The following PRR16 variants were observed in gnomAD, a reference collection of about 807,000 sequenced individuals.
PRR16 encodes proline rich 16, also known as protein Largen.
In PRR16, 6 loss-of-function variants were observed where a neutral mutation model predicts 18.2. That is an observed-to-expected ratio of 0.33 (90% CI 0.18 to 0.65). PRR16 has a LOEUF of 0.65. Ranked by LOEUF, PRR16 falls within the 30% of genes least tolerant of loss-of-function variation. The pLI is 0.74. For synonymous variants in PRR16, 151 were observed against 147.8 expected, an observed-to-expected ratio of 1.02 and a Z score of -0.16; for missense variants, 412 against 376.6, an observed-to-expected ratio of 1.09 and a Z score of -0.78.
intron 1 of PRR16, among the ~76,000 whole-genome samples, chr5:120,581,311 A>G (rs1753264938): frequency 6.6e-6 from 1 of 152,098 alleles, no homozygotes; most frequent in Admixed American, 6.6e-5. Context: ...ATTTGCATAG[A>G]TGTGTTTAGT....
At chr5:120,490,226 G>T (rs1749977115) in intron 1 of PRR16, among the ~76,000 whole-genome samples, 2 of 152,106 alleles carry the variant, frequency 1.3e-5, no homozygotes, top group Non-Finnish European at 2.9e-5. Flanking sequence ...AAGTTCTCCT[G>T]GATAATATCC....
At chr5:120,630,003 G>A (rs924587874) in intron 1 of PRR16, among the ~76,000 whole-genome samples, 23 of 151,794 alleles carry the variant, frequency 1.5e-4, no homozygotes, top group African/African-American at 5.3e-4. Flanking sequence ...ATGATGATCC[G>A]AGATGTGTAA....
the PRR16 span, among the ~76,000 whole-genome samples, chr5:120,777,227 A>T: frequency 6.6e-6 from 1 of 152,114 alleles, no homozygotes; most frequent in East Asian, 1.9e-4. Flanking sequence ...AATGAGTTTT[A>T]TTGTTCAATA....
chr5:120,594,355 A>G (rs1251973532), intron 1 of PRR16, among the ~76,000 whole-genome samples: 2 of 152,136 alleles, frequency 1.3e-5, no homozygotes, highest in African/African-American at 4.8e-5. Flanking sequence ...TTCCATTCAC[A>G]GTAGCCACAA....
At chr5:120,778,629 G>T in the PRR16 span, among the ~76,000 whole-genome samples, 1 of 152,092 alleles carries the variant, frequency 6.6e-6, no homozygotes, top group Non-Finnish European at 1.5e-5. Flanking sequence ...AGAATTTAAC[G>T]TGATTGTATT....
At chr5:120,652,910 C>G (rs935687770) in intron 1 of PRR16, among the ~76,000 whole-genome samples, 2 of 151,912 alleles carry the variant, frequency 1.3e-5, no homozygotes, top group Non-Finnish European at 2.9e-5. Flanking sequence ...TGTATGTTAA[C>G]TCTCTGGACT....
At chr5:120,774,978 C>A in the PRR16 span, among the ~76,000 whole-genome samples, 5 of 152,260 alleles carry the variant, frequency 3.3e-5, no homozygotes, top group South Asian at 1.0e-3. Context: ...CATTATCTTC[C>A]TTCCATGCAG....
chr5:120,629,985 T>G (rs1297721160), intron 1 of PRR16, among the ~76,000 whole-genome samples: 1 of 152,070 alleles, frequency 6.6e-6, no homozygotes. Flanking sequence ...CTTTTGTCAT[T>G]GGCCTTTATG....
At chr5:120,512,253 C>G (rs1172843760) in intron 1 of PRR16, among the ~76,000 whole-genome samples, 1 of 137,646 alleles carries the variant, frequency 7.3e-6, no homozygotes, top group South Asian at 2.2e-4. Context: ...CTTAATTTTT[C>G]TGTGAGACAT....
chr5:120,633,984 A>G (rs556146364), intron 1 of PRR16, among the ~76,000 whole-genome samples: 3 of 152,184 alleles, frequency 2.0e-5, no homozygotes, highest in Admixed American at 2.0e-4. Flanking sequence ...ATTGCAGAAT[A>G]TACATACTAT....
intron 1 of PRR16, among the ~76,000 whole-genome samples, chr5:120,640,261 T>C (rs1259452219): frequency 6.6e-6 from 1 of 151,422 alleles, no homozygotes; most frequent in Non-Finnish European, 1.5e-5. Context: ...AATTTACCCA[T>C]TTAACAAACC....
At chr5:120,627,845 A>G (rs966818749) in intron 1 of PRR16, among the ~76,000 whole-genome samples, 5 of 152,072 alleles carry the variant, frequency 3.3e-5, no homozygotes, top group African/African-American at 1.2e-4. Flanking sequence ...ACAACTTACT[A>G]TTAAAGAAAG....
intron 1 of PRR16, among the ~76,000 whole-genome samples, chr5:120,602,149 A>G (rs1754004493): frequency 6.6e-6 from 1 of 151,982 alleles, no homozygotes; most frequent in Non-Finnish European, 1.5e-5. Flanking sequence ...GTAAATTTAC[A>G]TTGAGTAATA....
chr5:120,744,833 AG>A, the PRR16 span, among the ~76,000 whole-genome samples: 186 of 152,276 alleles, frequency 1.2e-3, 1 homozygote, highest in Non-Finnish European at 2.2e-3. Flanking sequence ...TTTGAGGAAA[AG>A]GGATTGTCAA....
At chr5:120,583,345 G>A (rs9764127) in intron 1 of PRR16, among the ~76,000 whole-genome samples, 73,273 of 151,186 alleles carry the variant, frequency 0.48, 18,152 homozygotes, top group Middle Eastern at 0.58. Flanking sequence ...GTGTGTGTGT[G>A]TGTGCAAGTA....
chr5:120,680,097 T>C (rs987150567), intron 1 of PRR16, among the ~76,000 whole-genome samples: 2 of 152,162 alleles, frequency 1.3e-5, no homozygotes, highest in African/African-American at 4.8e-5. Flanking sequence ...TATAACCTCA[T>C]GTGTACCTTA....
At chr5:120,682,207 T>C (rs1401281915) in intron 1 of PRR16, among the ~76,000 whole-genome samples, 1 of 152,208 alleles carries the variant, frequency 6.6e-6, no homozygotes, top group Admixed American at 6.5e-5. Flanking sequence ...GGCTCTTTTC[T>C]GAGCAGACTG....
intron 1 of PRR16, among the ~76,000 whole-genome samples, chr5:120,497,351 A>G (rs899699230): frequency 4.0e-5 from 4 of 101,112 alleles, no homozygotes; most frequent in African/African-American, 7.9e-5. Flanking sequence ...TTTTAGTTCT[A>G]TCAGTTTTTG....
chr5:120,672,911 A>G (rs905143952), intron 1 of PRR16, among the ~76,000 whole-genome samples: 1 of 152,210 alleles, frequency 6.6e-6, no homozygotes, highest in Admixed American at 6.5e-5. Context: ...ACAAAATGCA[A>G]CTAGTTGCAT....
Sources: gnomAD v4.1 joint callset for allele counts (sites outside exome capture counted in the v4.1 genomes callset) on GRCh38, gnomAD v4.1.1 for gene constraint, MANE v1.5 for transcripts, NCBI Gene and HGNC (gene_info 2026-07-23, HGNC 2026-07-21) for gene names.